ADAM18: variants seen among roughly 807,000 people sequenced by gnomAD.
ADAM18 encodes the protein ADAM metallopeptidase domain 18.
ADAM18 carries 117 observed loss-of-function variants against 94.4 expected under a neutral mutation model. The ratio of observed to expected loss-of-function variants is 1.24; its 90% CI spans 1.07 to 1.45. ADAM18 has a LOEUF of 1.45. Among genes scored for constraint, ADAM18 ranks in the 40% most tolerant of loss-of-function variants. The probability of loss-of-function intolerance (pLI) is 0.00; values close to 1 mark genes in which losing one functional copy is unlikely to be tolerated. For synonymous variants in ADAM18, 327 were observed against 291.6 expected, an observed-to-expected ratio of 1.12 and a Z score of -1.24; for missense variants, 936 against 880.0, an observed-to-expected ratio of 1.06 and a Z score of -0.81.
intron 16 of ADAM18, 38 bp from the exon 17 acceptor site, chr8:39,692,562 A>T (rs903849511): frequency 1.5e-6 from 2 of 1,338,894 alleles, no homozygotes. Context: ...TTTATATGAC[A>T]TTTGTGAATT....
intron 17 of ADAM18, among the ~76,000 whole-genome samples, chr8:39,702,206 T>C (rs1361532086): frequency 4.6e-5 from 7 of 152,366 alleles, no homozygotes; most frequent in Non-Finnish European, 8.8e-5. Flanking sequence ...TGGTATCTCA[T>C]TGTGGTCTTG....
At chr8:39,646,937 G>A (rs1820396968) in intron 11 of ADAM18, among the ~76,000 whole-genome samples, 1 of 152,140 alleles carries the variant, frequency 6.6e-6, no homozygotes, top group African/African-American at 2.4e-5. Context: ...TTGTCAAGAA[G>A]GATCTCTCTG....
intron 6 of ADAM18, among the ~76,000 whole-genome samples, chr8:39,613,700 T>C (rs752281277): frequency 1.3e-5 from 2 of 152,150 alleles, no homozygotes; most frequent in Non-Finnish European, 2.9e-5. Context: ...TAGGAGAAAG[T>C]TGAAACCCAA....
chr8:39,601,117 C>A (rs1387067068), intron 2 of ADAM18, among the ~76,000 whole-genome samples: 1 of 152,100 alleles, frequency 6.6e-6, no homozygotes, highest in African/African-American at 2.4e-5. Flanking sequence ...TTTAAACAAC[C>A]AAATCTCGCG....
At chr8:39,718,538 G>T (rs1822643418) in intron 18 of ADAM18, among the ~76,000 whole-genome samples, 1 of 151,448 alleles carries the variant, frequency 6.6e-6, no homozygotes, top group South Asian at 2.1e-4. Context: ...TAGAATGGTG[G>T]TTGTTGGGGT....
intron 6 of ADAM18, among the ~76,000 whole-genome samples, chr8:39,614,926 A>G (rs531566745): frequency 6.6e-6 from 1 of 152,222 alleles, no homozygotes; most frequent in Non-Finnish European, 1.5e-5. Context: ...ACAGATTTTC[A>G]CTTAACACTG....
chr8:39,701,117 CAAAAAAAAAAAAAAAAA>C (rs71237188), intron 17 of ADAM18, among the ~76,000 whole-genome samples: 10 of 34,554 alleles, frequency 2.9e-4, no homozygotes, highest in Admixed American at 2.9e-3. Context: ...GACTCTGTCT[CAAAAAAAAAAAAAAAAA>C]AAAAAAAAAA....
At chr8:39,633,724 C>G (rs1819996593) in intron 7 of ADAM18, among the ~76,000 whole-genome samples, 1 of 151,176 alleles carries the variant, frequency 6.6e-6, no homozygotes. Context: ...GCTTTTCCTA[C>G]TTATTTATAG....
At chr8:39,589,334 G>A (rs972072343) in intron 2 of ADAM18, among the ~76,000 whole-genome samples, 9 of 152,192 alleles carry the variant, frequency 5.9e-5, no homozygotes, top group African/African-American at 2.2e-4. Flanking sequence ...GCAAGCATTG[G>A]AATCATAAAT....
intron 10 of ADAM18, among the ~76,000 whole-genome samples, 164 bp downstream of exon 10, chr8:39,638,710 GTTTA>G (rs575763629): frequency 9.9e-5 from 15 of 151,832 alleles, no homozygotes; most frequent in South Asian, 2.1e-4. Flanking sequence ...ATCTCAGAAA[GTTTA>G]TTTATTTATA....
At chr8:39,598,136 T>A (rs1585881115) in intron 2 of ADAM18, among the ~76,000 whole-genome samples, 1 of 152,340 alleles carries the variant, frequency 6.6e-6, no homozygotes, top group Non-Finnish European at 1.5e-5. Context: ...GCAACCTTGC[T>A]GTAATTGTTT....
intron 10 of ADAM18, among the ~76,000 whole-genome samples, chr8:39,640,906 A>G (rs922824632): frequency 3.3e-5 from 5 of 150,834 alleles, no homozygotes; most frequent in Non-Finnish European, 7.4e-5. Context: ...TTCCATGTAG[A>G]TGCTGGATAG....
chr8:39,639,090 T>G (rs1820165509), intron 10 of ADAM18, among the ~76,000 whole-genome samples: 1 of 151,966 alleles, frequency 6.6e-6, no homozygotes, highest in Admixed American at 6.6e-5. Flanking sequence ...TGTTAATTTC[T>G]TTTCAAAGAA....
chr8:39,590,507 G>T (rs1223019413), intron 2 of ADAM18, among the ~76,000 whole-genome samples: 3 of 152,108 alleles, frequency 2.0e-5, no homozygotes, highest in Admixed American at 2.0e-4. Context: ...AGTGGGTGCA[G>T]CGCACCAGCA....
chr8:39,684,148 T>A (rs531824425), intron 16 of ADAM18, among the ~76,000 whole-genome samples: 1 of 152,060 alleles, frequency 6.6e-6, no homozygotes, highest in African/African-American at 2.4e-5. Context: ...AATAAATACA[T>A]AAAATAAATA....
intron 12 of ADAM18, among the ~76,000 whole-genome samples, chr8:39,662,755 G>A (rs955944155): frequency 1.3e-5 from 2 of 152,088 alleles, no homozygotes; most frequent in African/African-American, 4.8e-5. Context: ...GTCCTGAGTA[G>A]CTGGGATTAC....
chr8:39,654,109 T>C (rs2129579771), intron 12 of ADAM18, among the ~76,000 whole-genome samples: 1 of 152,018 alleles, frequency 6.6e-6, no homozygotes, highest in Middle Eastern at 3.4e-3. Context: ...TAAGATAATG[T>C]CCTCCAGTTA....
intron 10 of ADAM18, among the ~76,000 whole-genome samples, chr8:39,644,348 A>G (rs1385890973): frequency 6.6e-6 from 1 of 152,156 alleles, no homozygotes; most frequent in Non-Finnish European, 1.5e-5. Context: ...GCTGGAGTAC[A>G]GTGGTGCAAT....
At chr8:39,591,232 A>G (rs1818562107) in intron 2 of ADAM18, among the ~76,000 whole-genome samples, 1 of 152,100 alleles carries the variant, frequency 6.6e-6, no homozygotes, top group Admixed American at 6.6e-5. Context: ...GGCTGTGCCA[A>G]TTTCTTAAAA....
Sources: gnomAD v4.1 joint callset for allele counts (sites outside exome capture counted in the v4.1 genomes callset) on GRCh38, gnomAD v4.1.1 for gene constraint, MANE v1.5 for transcripts, NCBI Gene and HGNC (gene_info 2026-07-23, HGNC 2026-07-21) for gene names.